Variants in PLEKHG3 observed in about 807,000 individuals in gnomAD.
PLEKHG3 encodes the protein pleckstrin homology and RhoGEF domain containing G3, also known as pleckstrin homology domain-containing family G member 3.
Under a neutral mutation model 94.9 loss-of-function variants are expected in PLEKHG3, and 62 were observed. The ratio of observed to expected loss-of-function variants is 0.65; its 90% CI spans 0.53 to 0.81. The LOEUF is 0.81. PLEKHG3 is among the 30% of genes least tolerant of loss of function. The probability of loss-of-function intolerance (pLI) is 0.00; values close to 1 mark genes in which losing one functional copy is unlikely to be tolerated. For synonymous variants in PLEKHG3, 614 were observed against 654.0 expected (o/e 0.94, Z 0.93); for missense variants, 1,461 against 1,619.3 (o/e 0.90, Z 1.68).
Position 64,743,127 on chromosome 14 carries a change from G to T in PLEKHG3, c.3084G>T (p.Ser1028=). 6.2e-7 allele frequency: 1 copy of T among 1,612,020 alleles called. No homozygotes were observed. ...CTGCTGTCAGCCAGAGGACCACCTC[G>T]CCTGGGGGCCGGCCCTCCGCCCGGA... ...NPSAVSQRTT[S]PGGRPSARSP... Residue 1028 remains serine (S), a synonymous_variant, in exon 17 of 17, where the codon TCG becomes TCT. Coordinates refer to ENST00000247226, the MANE Select transcript of PLEKHG3 (RefSeq NM_001308147.2). This position sits in a 1 kb window ranked among gnomAD's most constrained non-coding sequence, Gnocchi z 7.2.
At chr14:64,740,487 C>A (rs2081664339) in intron 15 of PLEKHG3, among the ~76,000 whole-genome samples, 1 of 152,240 alleles carries the variant, frequency 6.6e-6, no homozygotes, top group African/African-American at 2.4e-5. Flanking sequence ...TGACGAGATT[C>A]CAGCATGTGG....
At chr14:64,742,894 G>A in intron 16 of PLEKHG3, 88 bp from the exon 17 acceptor site, 2 of 1,316,626 alleles carry the variant, frequency 1.5e-6, no homozygotes, top group Non-Finnish European at 2.2e-6. Context: ...AGCCTTGCCT[G>A]GAAAGTGAGT....
In PLEKHG3 at chr14:64,733,022, A is replaced by G. The variant is rs959308175; in HGVS notation, c.1345+121A>G. 4.5e-6 allele frequency: 3 copies of G among 659,538 alleles called. No individual in the cohort carries two copies. The African/African-American group carries it at 5.4e-5, about 12-fold the overall frequency. The allele number at this position is 659,538 out of a possible 1,614,324, so 40.9% of individuals were successfully genotyped here. A position where few individuals can be genotyped will look rare whatever the true frequency, so the allele number is the denominator to read the frequency against. On this transcript the variant is annotated intron_variant, in intron 12 of 16. Transcript: ENST00000247226. The stretch of plus-strand genomic sequence containing the variant: ...CTCTGCGGAAACCCTGGGAAAGGCT[A>G]GAGCGGGGCTGGACACACACCTGGG...
At position 64,744,263 on chromosome 14, in the gene PLEKHG3, G is replaced by C. The variant is rs571510550; in HGVS notation, c.*560G>C. 3.9e-5 allele frequency: 6 copies of C among 153,028 alleles called. No homozygotes were observed. The highest frequency in any genetic ancestry group is 1.4e-4 in the African/African-American group (6 of 41,576). 9.5% of individuals were successfully genotyped at this position (153,028 alleles called of 1,614,324 possible). On this transcript the variant is annotated 3_prime_UTR_variant, in exon 17 of 17. Coordinates refer to ENST00000247226, the MANE Select transcript of PLEKHG3 (RefSeq NM_001308147.2). ...TTCAGTTCAGGTACTTTTGAGGGTTGTTGTGCTGACCCTGTGGTTGTCGCT... is the reference window on the plus strand; with the variant it reads ...TTCAGTTCAGGTACTTTTGAGGGTTCTTGTGCTGACCCTGTGGTTGTCGCT...
At position 64,741,190 on chromosome 14, in the gene PLEKHG3, G is replaced by A; in HGVS notation, c.1673G>A (p.Gly558Asp). The A allele has an allele frequency of 6.2e-7, 1 of 1,614,124 alleles. No individual in the cohort carries two copies. The highest frequency in any genetic ancestry group is 1.1e-5 in the South Asian group (1 of 91,080). ...GGCCTTCTGGGGATGGACCCCCCAGGTGACATGGTGGACTTCGTGGCAGCT... is the reference window on the plus strand; with the variant it reads ...GGCCTTCTGGGGATGGACCCCCCAGATGACATGGTGGACTTCGTGGCAGCT... Reference protein sequence around the residue: ...HQGLLGMDPPGDMVDFVAAES... With the variant: ...HQGLLGMDPPDDMVDFVAAES... Residue 558 changes from glycine to aspartate, a missense_variant, in exon 16 of 17, where the codon GGT becomes GAT. Transcript: ENST00000247226.
Position 64,727,528 on chromosome 14 carries a change from C to A in PLEKHG3, c.-39-65C>A. ...CCCACCTGCCCCCACCCCTGGCAAC[C>A]GTCCCTCTGTTCTGTTTCTGTGGGC... On this transcript the variant is annotated intron_variant, in intron 1 of 16. Transcript: ENST00000247226. The surrounding 1 kb of genome is among the most constrained non-coding windows in gnomAD (Gnocchi z 6.0). The A allele has an allele frequency of 1.6e-6, 1 of 606,886 alleles. No individual in the cohort carries two copies. 37.6% of individuals were successfully genotyped at this position (606,886 alleles called of 1,614,324 possible). A position where few individuals can be genotyped will look rare whatever the true frequency, so the allele number is the denominator to read the frequency against.
chr14:64,732,886 G>A lies in PLEKHG3; in HGVS notation c.1330G>A (p.Gly444Arg). The A allele has an allele frequency of 6.2e-7, 1 of 1,605,386 alleles. No individual in the cohort carries two copies. The part of the protein sequence containing the change: ...QDEVSTNVRQ[G>R]RRQSEPTKHL... ...TGAGGTGTCCACCAATGTGCGCCAG[G>A]GGCGCCGGCAATCTGGTAAGAGAAG... The change falls in exon 12 of 17, where the codon GGG becomes AGG. Residue 444 changes from glycine to arginine, a missense_variant. By Grantham distance (125) the Gly-to-Arg change is moderately radical. Coordinates refer to ENST00000247226, the MANE Select transcript of PLEKHG3 (RefSeq NM_001308147.2). The surrounding 1 kb of genome is among the most constrained non-coding windows in gnomAD (Gnocchi z 4.9).
In PLEKHG3 at chr14:64,717,404, T is replaced by G. The variant is rs2081187832; in HGVS notation, c.-39-10189T>G. Reference sequence around the variant, plus strand: ...AGGGAATTGCCCTGGCAGCCTTGCCTCCAAGCCACCATTCTGATGGGCTTG... The same window carrying G: ...AGGGAATTGCCCTGGCAGCCTTGCCGCCAAGCCACCATTCTGATGGGCTTG... On this transcript the variant is annotated intron_variant, in intron 1 of 16. Transcript: ENST00000247226. The surrounding 1 kb of genome is among the most constrained non-coding windows in gnomAD (Gnocchi z 4.7). 6.6e-6 allele frequency among the ~76,000 whole-genome samples: 1 copy of G among 152,048 alleles called. No individual in the cohort carries two copies. Among genetic ancestry groups the G allele is most frequent in the South Asian group, 2.1e-4 (1 of 4,826 alleles).
chr14:64,708,929 C>G (rs2081020456), intron 1 of PLEKHG3, among the ~76,000 whole-genome samples: 1 of 150,842 alleles, frequency 6.6e-6, no homozygotes, highest in African/African-American at 2.4e-5. Flanking sequence ...GCTAGATGAT[C>G]TGATATTAGA....
At position 64,718,972 on chromosome 14, in the gene PLEKHG3, G is replaced by A. The variant is rs1031038343; in HGVS notation, c.-39-8621G>A. ...TCTCCAGCTCCCAGTAGTACATGCCGTCTCTCCGTGTGGATCCCAGAGGAA... is the reference window on the plus strand; with the variant it reads ...TCTCCAGCTCCCAGTAGTACATGCCATCTCTCCGTGTGGATCCCAGAGGAA... On this transcript the variant is annotated intron_variant, in intron 1 of 16. Transcript: ENST00000247226. The surrounding 1 kb of genome is among the most constrained non-coding windows in gnomAD (Gnocchi z 5.0). Among the ~76,000 whole-genome samples the A allele has an allele frequency of 6.6e-6, 1 of 152,136 alleles. No homozygotes were observed. The highest frequency in any genetic ancestry group is 2.4e-5 in the African/African-American group (1 of 41,430).
intron 14 of PLEKHG3, among the ~76,000 whole-genome samples, chr14:64,737,710 G>T (rs1042426828): frequency 3.9e-5 from 6 of 152,184 alleles, no homozygotes; most frequent in African/African-American, 1.4e-4. Flanking sequence ...TCCACCATGA[G>T]AATGCCCACC....
chr14:64,741,271 G>GAGGAAGAAGAAA lies in PLEKHG3; in HGVS notation c.1754_1755insAGGAAGAAGAAA (p.Gly585_Ala586insGlyArgArgAsn), dbSNP rs1293073260. ...AGCGAGGAGGAAGAAGAAATGGGAGGTGCCGCCCAGGAGCCTGAGAGCCTT... is the reference window on the plus strand; with the variant it reads ...AGCGAGGAGGAAGAAGAAATGGGAGGAGGAAGAAGAAATGCCGCCCAGGAGCCTGAGAGCCTT... On this transcript the variant is annotated inframe_insertion, in exon 16 of 17. Transcript: ENST00000247226. 1 of 1,613,896 alleles carries GAGGAAGAAGAAA rather than the reference G, an allele frequency of 6.2e-7. No homozygotes were observed. The highest frequency in any genetic ancestry group is 1.1e-5 in the South Asian group (1 of 91,082).
chr14:64,720,021 T>C lies in PLEKHG3; in HGVS notation c.-39-7572T>C, dbSNP rs2081236147. On this transcript the variant is annotated intron_variant, in intron 1 of 16. Transcript: ENST00000247226. The surrounding 1 kb of genome is among the most constrained non-coding windows in gnomAD (Gnocchi z 4.1). Reference sequence around the variant, plus strand: ...TGGGGCACATTGCATAGTGACAAGTTGTGCTGGCAGCCAAGTTACCTCTAC... The same window carrying C: ...TGGGGCACATTGCATAGTGACAAGTCGTGCTGGCAGCCAAGTTACCTCTAC... Among the ~76,000 whole-genome samples, 1 of 152,130 alleles carries C rather than the reference T, an allele frequency of 6.6e-6. No homozygotes were observed. Among genetic ancestry groups the C allele is most frequent in the Non-Finnish European group, 1.5e-5 (1 of 68,036 alleles).
chr14:64,720,009 A>G lies in PLEKHG3; in HGVS notation c.-39-7584A>G, dbSNP rs1299195481. 3.3e-5 allele frequency among the ~76,000 whole-genome samples: 5 copies of G among 152,194 alleles called. No individual in the cohort carries two copies. The highest frequency in any genetic ancestry group is 9.7e-5 in the African/African-American group (4 of 41,450). On this transcript the variant is annotated intron_variant, in intron 1 of 16. Coordinates refer to ENST00000247226, the MANE Select transcript of PLEKHG3 (RefSeq NM_001308147.2). The surrounding 1 kb of genome is among the most constrained non-coding windows in gnomAD (Gnocchi z 4.1). ...CTCTTCCGGTTTTGGGGCACATTGC[A>G]TAGTGACAAGTTGTGCTGGCAGCCA...
chr14:64,738,705 T>C lies in PLEKHG3; in HGVS notation c.1405-37T>C. 7.2e-7 allele frequency: 1 copy of C among 1,388,016 alleles called. No individual in the cohort carries two copies. Among genetic ancestry groups the C allele is most frequent in the South Asian group, 1.2e-5 (1 of 80,990 alleles). 86.0% of individuals were successfully genotyped at this position (1,388,016 alleles called of 1,614,324 possible). ...GGATGCAGAAGGGATCAGCTTCCAG[T>C]TGTCTTGGAGTTGATGACTGACCTC... On this transcript the variant is annotated intron_variant, in intron 14 of 16. Transcript: ENST00000247226. This position sits in a 1 kb window ranked among gnomAD's most constrained non-coding sequence, Gnocchi z 4.8.
At chr14:64,737,772 T>C in intron 14 of PLEKHG3, 1 of 608,122 alleles carries the variant, frequency 1.6e-6, no homozygotes, top group Non-Finnish European at 2.3e-6. Flanking sequence ...TGTGGCTTTC[T>C]GTGTGAAGGC....
At chr14:64,736,782 T>G in intron 12 of PLEKHG3, 71 bp from the exon 13 acceptor site, 14 of 1,138,044 alleles carry the variant, frequency 1.2e-5, no homozygotes, top group Non-Finnish European at 1.9e-5. Flanking sequence ...GGTGGCGCTG[T>G]GAGCTTGGGA....
rs1382089158 is a variant in PLEKHG3, at chr14:64,731,639, C to A, written c.1033-75C>A. On this transcript the variant is annotated intron_variant, in intron 8 of 16. Transcript: ENST00000247226. The surrounding 1 kb of genome is among the most constrained non-coding windows in gnomAD (Gnocchi z 6.1). The stretch of plus-strand genomic sequence containing the variant: ...TCTGCTTCTTGGGGCTCCAGCACCA[C>A]CCTTCTGAGATCACCCTCCCTGCTT... 4 of 1,509,268 alleles carry A rather than the reference C, an allele frequency of 2.7e-6. No individual in the cohort carries two copies. In the South Asian group the frequency reaches 4.5e-5, roughly 17 times the overall value. The allele number at this position is 1,509,268 out of a possible 1,614,324, so 93.5% of individuals were successfully genotyped here. A position where few individuals can be genotyped will look rare whatever the true frequency, so the allele number is the denominator to read the frequency against.
rs2081626195 is a variant in PLEKHG3, at chr14:64,738,775, A to C, written c.1438A>C (p.Ser480Arg). Reference sequence around the variant, plus strand: ...GCGCAGGGAGTCTGAAAGCTCCAGGAGCAGCAGAAGGCCCAGTGGCCGGTC... The same window carrying C: ...GCGCAGGGAGTCTGAAAGCTCCAGGCGCAGCAGAAGGCCCAGTGGCCGGTC... ...KGRRESESSR[S>R]SRRPSGRSPT... is the part of the protein sequence containing the mutation. The change falls in exon 15 of 17, where the codon AGC becomes CGC. Residue 480 changes from serine (S) to arginine (R), a missense_variant. Physicochemically the swap from Ser to Arg is moderately radical, Grantham distance 110. Coordinates refer to ENST00000247226, the MANE Select transcript of PLEKHG3 (RefSeq NM_001308147.2). This position sits in a 1 kb window ranked among gnomAD's most constrained non-coding sequence, Gnocchi z 4.8. The C allele has an allele frequency of 1.3e-6, 2 of 1,598,304 alleles. No homozygotes were observed. Among genetic ancestry groups the C allele is most frequent in the Non-Finnish European group, 1.7e-6 (2 of 1,172,068 alleles).
Sources: allele counts gnomAD v4.1 joint callset (sites outside exome capture counted in the v4.1 genomes callset), GRCh38; gene constraint gnomAD v4.1.1; non-coding constraint Gnocchi (gnomAD v3.1); transcripts MANE v1.5; gene names NCBI Gene and HGNC (gene_info 2026-07-23, HGNC 2026-07-21).